CPEB1: variants seen among roughly 807,000 people sequenced by gnomAD.
CPEB1 encodes the protein cytoplasmic polyadenylation element-binding protein 1.
Under a neutral mutation model 65.8 loss-of-function variants are expected in CPEB1, and 7 were observed. That is an observed-to-expected ratio of 0.11 (90% CI 0.06 to 0.20). The LOEUF (loss-of-function observed/expected upper bound fraction) is 0.20, where lower values mean the gene tolerates loss of function less well. Among genes scored for constraint, CPEB1 ranks in the 10% least tolerant of loss-of-function variants. CPEB1 has a pLI of 1.00. For missense variants in CPEB1, 551 were observed against 712.2 expected (o/e 0.77, Z 2.58); for synonymous variants, 262 against 260.0 (o/e 1.01, Z -0.08).
chr15:82,579,921 A>T (rs1413158931), intron 3 of CPEB1, among the ~76,000 whole-genome samples: 1 of 17,012 alleles, frequency 5.9e-5, no homozygotes, highest in Admixed American at 4.9e-4. Context: ...TCCGTCTCAA[A>T]AAAAAAAAAA....
intron 3 of CPEB1, among the ~76,000 whole-genome samples, chr15:82,580,602 G>C (rs1244006654): frequency 6.6e-6 from 1 of 152,028 alleles, no homozygotes; most frequent in East Asian, 1.9e-4. Flanking sequence ...TTTTGTGCAA[G>C]CATCACTACT....
chr15:82,567,248 C>T (rs1567185354), intron 4 of CPEB1, among the ~76,000 whole-genome samples: 1 of 152,278 alleles, frequency 6.6e-6, no homozygotes, highest in South Asian at 2.1e-4. Flanking sequence ...AGACTCCCCA[C>T]TCATCTTAGG....
chr15:82,622,151 G>A (rs1166819120), intron 3 of CPEB1, among the ~76,000 whole-genome samples: 1 of 152,118 alleles, frequency 6.6e-6, no homozygotes, highest in African/African-American at 2.4e-5. Flanking sequence ...AAGGACTAGG[G>A]AATGTGGAGA....
At position 82,627,305 on chromosome 15, in the gene CPEB1, C is replaced by T. The variant is rs745469220; in HGVS notation, c.159G>A (p.Thr53=). Reference sequence around the variant, plus strand: ...TTCGAAAGATATTGGCATTACTACACGTGGAGAGAGCAGGTGCTTCCTGGT... The same window carrying T: ...TTCGAAAGATATTGGCATTACTACATGTGGAGAGAGCAGGTGCTTCCTGGT... ...WDNQEAPALS[T]CSNANIFRRI... is the part of the protein sequence containing the mutation. Residue 53 remains threonine, a synonymous_variant, in exon 3 of 13, where the codon ACG becomes ACA. Transcript: ENST00000684509. 5.6e-5 allele frequency: 90 copies of T among 1,613,534 alleles called. No individual in the cohort carries two copies. The South Asian group carries it at 6.8e-4, about 12-fold the overall frequency.
intron 3 of CPEB1, among the ~76,000 whole-genome samples, chr15:82,596,400 A>G (rs2042666846): frequency 6.6e-6 from 1 of 152,186 alleles, no homozygotes; most frequent in Non-Finnish European, 1.5e-5. Flanking sequence ...ATGTACTAAA[A>G]AGTTCATTAA....
At chr15:82,613,741 T>C (rs1347489009) in intron 3 of CPEB1, among the ~76,000 whole-genome samples, 1 of 152,186 alleles carries the variant, frequency 6.6e-6, no homozygotes, top group Non-Finnish European at 1.5e-5. Flanking sequence ...AACTTCAGCA[T>C]ATTTAAAGGA....
chr15:82,577,470 G>A (rs2040788882), intron 3 of CPEB1, among the ~76,000 whole-genome samples: 2 of 152,184 alleles, frequency 1.3e-5, no homozygotes, highest in African/African-American at 4.8e-5. Flanking sequence ...GAATTAAGGT[G>A]TGTCTAAGTG....
At chr15:82,648,514 C>G (rs2047756487), upstream of CPEB1, 1 of 152,422 alleles carries the variant, frequency 6.6e-6, no homozygotes, top group South Asian at 2.1e-4. Context: ...AAAGACATCA[C>G]TGGTCCTCTT....
rs1012527455 is a variant in CPEB1, at chr15:82,558,087, A to G, written c.461-101T>C. On this transcript the variant is annotated intron_variant, in intron 4 of 12. Coordinates refer to ENST00000684509, the MANE Select transcript of CPEB1 (RefSeq NM_001365242.1). ...CCACCCAACAAGAGATACCAAAGGC[A>G]AGACAACTAAAAGCATGCCAGCAAA... is the stretch of plus-strand genomic sequence containing the variant. 3 of 765,252 alleles carry G rather than the reference A, an allele frequency of 3.9e-6. No homozygotes were observed. In the African/African-American group the frequency reaches 5.2e-5, roughly 13 times the overall value. 47.4% of individuals were successfully genotyped at this position (765,252 alleles called of 1,614,324 possible).
At chr15:82,577,846 T>C (rs754257654) in intron 3 of CPEB1, among the ~76,000 whole-genome samples, 16 of 151,900 alleles carry the variant, frequency 1.1e-4, no homozygotes, top group South Asian at 4.2e-4. Flanking sequence ...ATAGCATTGA[T>C]AAAGCTATAT....
intron 3 of CPEB1, among the ~76,000 whole-genome samples, chr15:82,588,396 G>C (rs373659333): frequency 6.6e-6 from 1 of 152,078 alleles, no homozygotes; most frequent in Non-Finnish European, 1.5e-5. Flanking sequence ...ATGTATACAA[G>C]CATGTATACA....
intron 12 of CPEB1, 142 bp from the exon 13 acceptor site, chr15:82,544,844 G>C (rs1266588632): frequency 1.5e-6 from 1 of 661,190 alleles, no homozygotes; most frequent in African/African-American, 1.8e-5. Flanking sequence ...TGGTCCCTAG[G>C]AATGCTCTCA....
chr15:82,622,425 A>G (rs2045383135), intron 3 of CPEB1, among the ~76,000 whole-genome samples: 1 of 152,062 alleles, frequency 6.6e-6, no homozygotes, highest in African/African-American at 2.4e-5. Flanking sequence ...ATCTCTCTCC[A>G]GAGTCGCACT....
intron 3 of CPEB1, among the ~76,000 whole-genome samples, chr15:82,607,051 G>A (rs2043680211): frequency 6.6e-6 from 1 of 152,050 alleles, no homozygotes; most frequent in Admixed American, 6.6e-5. Context: ...AAATTAAAAT[G>A]TCATAGGATT....
At chr15:82,559,904 C>T (rs918837961) in intron 4 of CPEB1, among the ~76,000 whole-genome samples, 2 of 151,956 alleles carry the variant, frequency 1.3e-5, no homozygotes, top group African/African-American at 4.8e-5. Context: ...CCTAACATGG[C>T]GAAACCCCGT....
chr15:82,617,489 T>G (rs2044835539), intron 3 of CPEB1, among the ~76,000 whole-genome samples: 1 of 152,142 alleles, frequency 6.6e-6, no homozygotes, highest in African/African-American at 2.4e-5. Context: ...GCCCACATGA[T>G]GAATAATGTG....
intron 3 of CPEB1, among the ~76,000 whole-genome samples, chr15:82,603,071 G>A (rs2043258350): frequency 6.6e-6 from 1 of 152,016 alleles, no homozygotes; most frequent in African/African-American, 2.4e-5. Flanking sequence ...GCTGAATCTT[G>A]GTAAGAACAA....
intron 3 of CPEB1, among the ~76,000 whole-genome samples, chr15:82,580,782 T>C (rs2041209512): frequency 6.6e-6 from 1 of 152,188 alleles, no homozygotes; most frequent in Admixed American, 6.5e-5. Flanking sequence ...TTTTCCTTTG[T>C]ATCAGGCTTA....
chr15:82,608,426 C>T (rs2151228607), intron 3 of CPEB1, among the ~76,000 whole-genome samples: 1 of 152,310 alleles, frequency 6.6e-6, no homozygotes, highest in East Asian at 1.9e-4. Flanking sequence ...GGGGCTTGAG[C>T]TCCAACTGTT....
Sources: allele counts gnomAD v4.1 joint callset (sites outside exome capture counted in the v4.1 genomes callset), GRCh38; gene constraint gnomAD v4.1.1; transcripts MANE v1.5; gene names NCBI Gene and HGNC (gene_info 2026-07-23, HGNC 2026-07-21).